The following BMP1 variants were observed in gnomAD, a reference collection of about 807,000 sequenced individuals.
BMP1 encodes the protein bone morphogenetic protein 1, also known as mammalian tolloid protein.
Under a neutral mutation model 116.8 loss-of-function variants are expected in BMP1, and 63 were observed. The observed-to-expected ratio is 0.54, with a 90% CI of 0.44 to 0.67. The LOEUF (loss-of-function observed/expected upper bound fraction) is 0.67, where lower values mean the gene tolerates loss of function less well. Among genes scored for constraint, BMP1 ranks in the 30% least tolerant of loss-of-function variants. The pLI is 0.00. For missense variants in BMP1, 1,183 were observed against 1,358.9 expected (o/e 0.87, Z 2.04); for synonymous variants, 536 against 533.4 (o/e 1.00, Z -0.07).
At chr8:22,201,221 G>A (rs766674825) in intron 15 of BMP1, 50 of 1,604,840 alleles carry the variant, frequency 3.1e-5, no homozygotes, top group Middle Eastern at 1.7e-4. Context: ...CAGGCCTCCC[G>A]GACCCCTTGT....
chr8:22,193,736 A>G (rs1828998176), intron 9 of BMP1, among the ~76,000 whole-genome samples: 1 of 152,244 alleles, frequency 6.6e-6, no homozygotes, highest in Non-Finnish European at 1.5e-5. Flanking sequence ...GTGAGCCAAG[A>G]GCGTGCCACT....
At position 22,165,628 on chromosome 8, in the gene BMP1, G is replaced by C. The variant is rs1828071808; in HGVS notation, c.148+75G>C. The C allele has an allele frequency of 3.5e-6, 5 of 1,448,704 alleles. No individual in the cohort carries two copies. In the East Asian group the frequency reaches 1.4e-4, roughly 42 times the overall value. 89.7% of individuals were successfully genotyped at this position (1,448,704 alleles called of 1,614,324 possible). On this transcript the variant is annotated intron_variant, in intron 1 of 19. Transcript: ENST00000306385. ...CGGGTTCGGGCTTGGGGTTGGGGGA[G>C]GACAGTCCAGTGTGGGAAGCCGGGA...
intron 19 of BMP1, among the ~76,000 whole-genome samples, chr8:22,210,337 C>A (rs929243622): frequency 1.3e-5 from 2 of 151,120 alleles, no homozygotes; most frequent in Non-Finnish European, 2.9e-5. Flanking sequence ...TTATTTTCCT[C>A]CCTGTAAGAG....
intron 19 of BMP1, among the ~76,000 whole-genome samples, chr8:22,210,091 G>C (rs1484104100): frequency 2.0e-5 from 3 of 152,278 alleles, no homozygotes; most frequent in Admixed American, 1.3e-4. Context: ...CAGGGCGCCT[G>C]AGCGGAGTGG....
At chr8:22,187,713 C>G (rs975063309) in intron 8 of BMP1, among the ~76,000 whole-genome samples, 1 of 151,946 alleles carries the variant, frequency 6.6e-6, no homozygotes, top group Non-Finnish European at 1.5e-5. Flanking sequence ...CTATTTCTCT[C>G]TAATTCCAGG....
chr8:22,197,927 G>T (rs943924077), intron 15 of BMP1, among the ~76,000 whole-genome samples: 1 of 152,194 alleles, frequency 6.6e-6, no homozygotes, highest in Non-Finnish European at 1.5e-5. Context: ...GCTCACGCCT[G>T]TAATCCCAGC....
Position 22,207,353 on chromosome 8 carries a change from C to T in BMP1, c.2412C>T (p.His804=). Residue 804 remains histidine, a synonymous_variant, in exon 18 of 20, where the codon CAC becomes CAT. Transcript: ENST00000306385. ...CCCAGCCTGAGTGTGCCTACGACCA[C>T]CTAGAGGTGTTCGACGGGCGAGACG... The part of the protein sequence containing the change: ...IESQPECAYD[H]LEVFDGRDAK... 1 of 1,614,244 alleles carries T rather than the reference C, an allele frequency of 6.2e-7. No homozygotes were observed. Among genetic ancestry groups the T allele is most frequent in the Non-Finnish European group, 8.5e-7 (1 of 1,180,046 alleles).
At chr8:22,204,924 G>T (rs925172908) in intron 16 of BMP1, among the ~76,000 whole-genome samples, 2 of 152,236 alleles carry the variant, frequency 1.3e-5, no homozygotes, top group Non-Finnish European at 2.9e-5. Context: ...CAGGATGTGT[G>T]AAGGTTCCGA....
chr8:22,205,280 G>A (rs1267209399), intron 16 of BMP1, among the ~76,000 whole-genome samples: 2 of 152,166 alleles, frequency 1.3e-5, no homozygotes, highest in Admixed American at 6.5e-5. Flanking sequence ...AATCCAAAGA[G>A]TATCAAGTGG....
At chr8:22,196,956 C>T (rs1358806420) in intron 14 of BMP1, 116 bp downstream of exon 14, 5 of 1,339,068 alleles carry the variant, frequency 3.7e-6, no homozygotes, top group East Asian at 5.0e-5. Context: ...CTGCAAATAT[C>T]GAGGAGAGAC....
chr8:22,195,216 C>T (rs879617922), intron 12 of BMP1, among the ~76,000 whole-genome samples: 5 of 152,152 alleles, frequency 3.3e-5, no homozygotes, highest in African/African-American at 7.2e-5. Context: ...AAAATGGGCA[C>T]AGTAACAGTC....
At chr8:22,176,037 T>G in intron 2 of BMP1, 106 bp from the exon 3 acceptor site, 1 of 1,196,964 alleles carries the variant, frequency 8.4e-7, no homozygotes, top group South Asian at 1.5e-5. Context: ...TTTTAGCCAG[T>G]AGACAAATTT....
intron 18 of BMP1, among the ~76,000 whole-genome samples, chr8:22,208,083 C>T (rs959372100): frequency 6.6e-6 from 1 of 152,094 alleles, no homozygotes; most frequent in Non-Finnish European, 1.5e-5. Context: ...AGGGTTTCGC[C>T]ATGTTGGCCA....
chr8:22,207,187 C>T, intron 17 of BMP1, 116 bp from the exon 18 acceptor site: 1 of 1,388,672 alleles, frequency 7.2e-7, no homozygotes, highest in Non-Finnish European at 1.0e-6. Flanking sequence ...TCACTGTCAT[C>T]CCCAGCTGTG....
intron 5 of BMP1, 104 bp downstream of exon 5, chr8:22,177,243 C>T (rs1274705048): frequency 1.3e-5 from 16 of 1,223,298 alleles, no homozygotes; most frequent in East Asian, 2.6e-5. Context: ...CAGCCGTCAT[C>T]GCCTGGGCCC....
chr8:22,190,555 G>A (rs764590940), intron 8 of BMP1, among the ~76,000 whole-genome samples: 7 of 152,350 alleles, frequency 4.6e-5, no homozygotes, highest in Admixed American at 1.3e-4. Context: ...ACGGCGTGAC[G>A]TGTTGGTGTG....
Position 22,211,795 on chromosome 8 carries a change from G to T in BMP1, c.*67G>T. On this transcript the variant is annotated 3_prime_UTR_variant, in exon 20 of 20. Coordinates refer to ENST00000306385, the MANE Select transcript of BMP1 (RefSeq NM_006129.5). ...TGGTCGCCTAGACTGGATAGTGGGG[G>T]TGGGCGGAAGGCAACGCACCATCCC... 1 of 1,609,148 alleles carries T rather than the reference G, an allele frequency of 6.2e-7. No individual in the cohort carries two copies. The highest frequency in any genetic ancestry group is 8.5e-7 in the Non-Finnish European group (1 of 1,177,772).
At chr8:22,167,627 G>C (rs2131835286) in intron 1 of BMP1, among the ~76,000 whole-genome samples, 1 of 152,352 alleles carries the variant, frequency 6.6e-6, no homozygotes, top group African/African-American at 2.4e-5. Context: ...GGTGGGGCTG[G>C]CTGAGTTGGA....
In BMP1 at chr8:22,198,981, C is replaced by A. The variant is rs1829172335; in HGVS notation, c.2107+1561C>A. 3.1e-6 allele frequency: 4 copies of A among 1,290,650 alleles called. No homozygotes were observed. The South Asian group carries it at 5.3e-5, about 17-fold the overall frequency. The allele number at this position is 1,290,650 out of a possible 1,614,324, so 79.9% of individuals were successfully genotyped here. ...CAGGCTCTGCCCCGGGAAACCATTA[C>A]CTGCTTACTCTCGTCTCTTCCTGCC... On this transcript the variant is annotated intron_variant, in intron 15 of 19. Transcript: ENST00000306385.
Sources: allele counts gnomAD v4.1 joint callset (sites outside exome capture counted in the v4.1 genomes callset), GRCh38; gene constraint gnomAD v4.1.1; transcripts MANE v1.5; gene names NCBI Gene and HGNC (gene_info 2026-07-23, HGNC 2026-07-21).